Variants in RFPL1 observed in about 807,000 individuals in gnomAD.
RFPL1 encodes ret finger protein-like 1.
Under a neutral mutation model 9.6 loss-of-function variants are expected in RFPL1, and 6 were observed. That is an observed-to-expected ratio of 0.62 (90% CI 0.34 to 1.23). The LOEUF is 1.23. Among genes scored for constraint, RFPL1 ranks in the 50% most tolerant of loss-of-function variants. RFPL1 has a pLI of 0.03. For missense variants in RFPL1, 352 were observed against 398.4 expected (o/e 0.88, Z 0.99); for synonymous variants, 145 against 149.4 (o/e 0.97, Z 0.22).
At chr22:29,408,833 A>G in the RFPL1 span, among the ~76,000 whole-genome samples, 247 of 152,320 alleles carry the variant, frequency 1.6e-3, 1 homozygote, top group Middle Eastern at 0.01. Flanking sequence ...TGTATTTGCC[A>G]GCCAACATAG....
At chr22:29,409,232 T>C in the RFPL1 span, among the ~76,000 whole-genome samples, 1 of 152,142 alleles carries the variant, frequency 6.6e-6, no homozygotes, top group African/African-American at 2.4e-5. Flanking sequence ...ACCCCACTAG[T>C]AGTCACTCCT....
the RFPL1 span, among the ~76,000 whole-genome samples, chr22:29,416,723 A>G: frequency 2.4e-3 from 368 of 152,300 alleles, 4 homozygotes; most frequent in Middle Eastern, 0.027. Context: ...CCATACACCA[A>G]GCTTGGTGCT....
At chr22:29,424,723 C>A in the RFPL1 span, among the ~76,000 whole-genome samples, 1 of 149,146 alleles carries the variant, frequency 6.7e-6, no homozygotes, top group Non-Finnish European at 1.5e-5. Context: ...CCCATCTACT[C>A]GGGAGGCTGA....
intron 1 of RFPL1, chr22:29,441,037 T>G (rs1437957231): frequency 6.4e-6 from 1 of 156,194 alleles, no homozygotes; most frequent in Non-Finnish European, 1.4e-5. Flanking sequence ...ACCTCTGTCA[T>G]CACATTGTCA....
chr22:29,413,517 G>A, the RFPL1 span, among the ~76,000 whole-genome samples: 3 of 152,078 alleles, frequency 2.0e-5, no homozygotes, highest in Non-Finnish European at 4.4e-5. Flanking sequence ...ATTTCCTTTA[G>A]CACCTATTTT....
the RFPL1 span, among the ~76,000 whole-genome samples, chr22:29,411,750 C>T: frequency 6.6e-6 from 1 of 152,152 alleles, no homozygotes; most frequent in African/African-American, 2.4e-5. Context: ...TAGAGTTCCT[C>T]CAGCCCAGTC....
the RFPL1 span, among the ~76,000 whole-genome samples, chr22:29,425,203 CAA>C: frequency 3.2e-4 from 25 of 78,526 alleles, no homozygotes; most frequent in Non-Finnish European, 3.1e-4. Context: ...GACTCCGTCT[CAA>C]AAAAAAAAAA....
chr22:29,396,402 G>A, the RFPL1 span, among the ~76,000 whole-genome samples: 22 of 152,174 alleles, frequency 1.4e-4, no homozygotes, highest in African/African-American at 5.1e-4. Flanking sequence ...ACCAGATGCC[G>A]AGCAGATATT....
the RFPL1 span, among the ~76,000 whole-genome samples, chr22:29,400,157 G>A: frequency 2.0e-5 from 3 of 152,028 alleles, no homozygotes; most frequent in Non-Finnish European, 4.4e-5. Context: ...CACCGCTCCC[G>A]GCTAATTTTT....
chr22:29,401,795 G>A, the RFPL1 span, among the ~76,000 whole-genome samples: 7 of 152,276 alleles, frequency 4.6e-5, no homozygotes, highest in Admixed American at 1.3e-4. Context: ...AGTGACTCTC[G>A]TTTCCAGAAT....
At chr22:29,431,318 G>A in the RFPL1 span, among the ~76,000 whole-genome samples, 2,442 of 152,316 alleles carry the variant, frequency 0.016, 55 homozygotes, top group African/African-American at 0.056. Context: ...TGTGCACTTA[G>A]AGAGACCCTG....
At chr22:29,394,917 T>C in the RFPL1 span, among the ~76,000 whole-genome samples, 9 of 152,152 alleles carry the variant, frequency 5.9e-5, no homozygotes, top group African/African-American at 2.2e-4. Flanking sequence ...CACTCACCCT[T>C]ACCTGCTTCA....
At chr22:29,413,213 C>A in the RFPL1 span, among the ~76,000 whole-genome samples, 1 of 151,806 alleles carries the variant, frequency 6.6e-6, no homozygotes, top group Non-Finnish European at 1.5e-5. Context: ...TAAATATATA[C>A]AATTAAAAAT....
chr22:29,400,062 C>G, the RFPL1 span, among the ~76,000 whole-genome samples: 1 of 146,520 alleles, frequency 6.8e-6, no homozygotes, highest in South Asian at 2.2e-4. Context: ...GTGGCGCGAT[C>G]TCGGCTCACT....
At chr22:29,391,301 G>C in the RFPL1 span, among the ~76,000 whole-genome samples, 1 of 152,120 alleles carries the variant, frequency 6.6e-6, no homozygotes, top group Non-Finnish European at 1.5e-5. Context: ...TCCTTGGCTT[G>C]TAGATGGCCG....
At chr22:29,412,202 A>T in the RFPL1 span, among the ~76,000 whole-genome samples, 1 of 152,314 alleles carries the variant, frequency 6.6e-6, no homozygotes, top group Admixed American at 6.5e-5. Flanking sequence ...CTTCAGGGTC[A>T]GGCCAGACAC....
chr22:29,424,829 T>TCC, the RFPL1 span, among the ~76,000 whole-genome samples: 578 of 18,710 alleles, frequency 0.031, 5 homozygotes, highest in South Asian at 0.048. Flanking sequence ...TCCCTGTCCC[T>TCC]CCCACCCCCC....
chr22:29,428,392 CTAATACAATAA>C, the RFPL1 span, among the ~76,000 whole-genome samples: 2 of 152,102 alleles, frequency 1.3e-5, no homozygotes, highest in Non-Finnish European at 2.9e-5. Context: ...TAATGAGACT[CTAATACAATAA>C]TAATTAGGGA....
At chr22:29,391,909 A>G in the RFPL1 span, among the ~76,000 whole-genome samples, 2 of 152,166 alleles carry the variant, frequency 1.3e-5, no homozygotes, top group Non-Finnish European at 2.9e-5. Flanking sequence ...GCCCTTGCTC[A>G]GCCTACAGTT....
Sources: allele counts gnomAD v4.1 joint callset (sites outside exome capture counted in the v4.1 genomes callset), GRCh38; gene constraint gnomAD v4.1.1; transcripts MANE v1.5; gene names NCBI Gene and HGNC (gene_info 2026-07-23, HGNC 2026-07-21).